CNTNAP2: variants seen among roughly 807,000 people sequenced by gnomAD.
The protein encoded by CNTNAP2 is contactin-associated protein-like 2.
Under a neutral mutation model 155.2 loss-of-function variants are expected in CNTNAP2, and 98 were observed. The ratio of observed to expected loss-of-function variants is 0.63; its 90% CI spans 0.54 to 0.75. The LOEUF is 0.75. Among genes scored for constraint, CNTNAP2 ranks in the 30% least tolerant of loss-of-function variants. The probability of loss-of-function intolerance (pLI) is 0.00; values close to 1 mark genes in which losing one functional copy is unlikely to be tolerated. For synonymous variants in CNTNAP2, 651 were observed against 631.2 expected, an observed-to-expected ratio of 1.03 and a Z score of -0.47; for missense variants, 1,727 against 1,688.1, an observed-to-expected ratio of 1.02 and a Z score of -0.40.
chr7:147,125,540 C>G lies in CNTNAP2; in HGVS notation c.940-3153C>G, dbSNP rs565114834. Among the ~76,000 whole-genome samples, 10 of 152,288 alleles carry G rather than the reference C, an allele frequency of 6.6e-5. 1 individual carries two copies. The South Asian group carries it at 2.1e-3, about 32-fold the overall frequency. On this transcript the variant is annotated intron_variant, in intron 6 of 23. Transcript: ENST00000361727. ...AGCAAAATGGTGTTTGGCTTAGATT[C>G]TCTCTGTTCTTCAGAGGACACCCAC... is the stretch of plus-strand genomic sequence containing the variant.
chr7:148,188,999 C>T (rs1326028292), intron 18 of CNTNAP2, among the ~76,000 whole-genome samples: 1 of 152,044 alleles, frequency 6.6e-6, no homozygotes, highest in East Asian at 1.9e-4. Context: ...TTGCAAGTGG[C>T]ATTTCAATAT....
intron 3 of CNTNAP2, among the ~76,000 whole-genome samples, chr7:147,005,082 C>G (rs557381572): frequency 6.6e-6 from 1 of 152,118 alleles, no homozygotes; most frequent in South Asian, 2.1e-4. Flanking sequence ...ATCAAAATAT[C>G]AGGAAGAGCT....
At position 146,748,143 on chromosome 7, in the gene CNTNAP2, C is replaced by CTTTTTT. The variant is rs61495352; in HGVS notation, c.98-26113_98-26108dup. 3.4e-3 allele frequency among the ~76,000 whole-genome samples: 330 copies of CTTTTTT among 97,884 alleles called. 3 individuals carry two copies. The highest frequency in any genetic ancestry group is 8.2e-3 in the African/African-American group (199 of 24,164). 64.2% of individuals were successfully genotyped at this position (97,884 alleles called of 152,430 possible). On this transcript the variant is annotated intron_variant, in intron 1 of 23. Coordinates refer to ENST00000361727, the MANE Select transcript of CNTNAP2 (RefSeq NM_014141.6). ...GTGGTGTTTTCTTTTCTTTTCTTTTCTTTTTTTTTTTTTTTTTTTTGAGAA... is the reference window on the plus strand; with the variant it reads ...GTGGTGTTTTCTTTTCTTTTCTTTTCTTTTTTTTTTTTTTTTTTTTTTTTTTGAGAA...
intron 21 of CNTNAP2, among the ~76,000 whole-genome samples, chr7:148,363,275 G>A (rs768199979): frequency 1.1e-4 from 16 of 152,186 alleles, no homozygotes; most frequent in African/African-American, 1.7e-4. Context: ...GAGCCACCAC[G>A]CACGGCCTCA....
chr7:147,826,386 C>G (rs570523181), intron 13 of CNTNAP2, among the ~76,000 whole-genome samples: 2 of 152,262 alleles, frequency 1.3e-5, no homozygotes, highest in East Asian at 3.9e-4. Context: ...ATAATTGGAA[C>G]TATCCCAGAA....
chr7:148,298,550 A>G (rs1327542540), intron 21 of CNTNAP2, among the ~76,000 whole-genome samples: 1 of 152,088 alleles, frequency 6.6e-6, no homozygotes, highest in Non-Finnish European at 1.5e-5. Flanking sequence ...CTCCCAGCCC[A>G]CTGACTCAAA....
At chr7:146,331,216 A>C (rs936042773) in intron 1 of CNTNAP2, among the ~76,000 whole-genome samples, 2 of 150,682 alleles carry the variant, frequency 1.3e-5, no homozygotes, top group Non-Finnish European at 3.0e-5. Flanking sequence ...AGGCAGGAGA[A>C]TGGCGTGAAC....
chr7:147,670,101 G>A (rs1261380341), intron 13 of CNTNAP2, among the ~76,000 whole-genome samples: 7 of 152,202 alleles, frequency 4.6e-5, no homozygotes, highest in Non-Finnish European at 7.3e-5. Context: ...AAATGTCAAT[G>A]TGTAAAATAT....
At chr7:147,288,611 T>C (rs374117609) in intron 8 of CNTNAP2, among the ~76,000 whole-genome samples, 3 of 152,336 alleles carry the variant, frequency 2.0e-5, no homozygotes, top group South Asian at 2.1e-4. Flanking sequence ...TCTTCAGTTA[T>C]CAAAGTAACG....
At chr7:147,025,904 A>G (rs1345421438) in intron 3 of CNTNAP2, among the ~76,000 whole-genome samples, 1 of 151,358 alleles carries the variant, frequency 6.6e-6, no homozygotes, top group Non-Finnish European at 1.5e-5. Context: ...AGATCACCCA[A>G]GGTGAAATGC....
chr7:146,160,929 T>C (rs1420977401), intron 1 of CNTNAP2, among the ~76,000 whole-genome samples: 1 of 152,168 alleles, frequency 6.6e-6, no homozygotes, highest in East Asian at 1.9e-4. Context: ...ATATCTCTGA[T>C]GAATATCGAT....
At chr7:147,957,300 G>A (rs1313507756) in intron 14 of CNTNAP2, among the ~76,000 whole-genome samples, 1 of 152,130 alleles carries the variant, frequency 6.6e-6, no homozygotes, top group Non-Finnish European at 1.5e-5. Flanking sequence ...TCAAAGATGT[G>A]ATAATTACAG....
intron 19 of CNTNAP2, among the ~76,000 whole-genome samples, chr7:148,219,431 T>C (rs995449246): frequency 8.5e-5 from 13 of 152,262 alleles, no homozygotes; most frequent in Admixed American, 8.5e-4. Flanking sequence ...CTGTGGCTCA[T>C]GCCTGTAATC....
chr7:146,742,397 G>A lies in CNTNAP2; in HGVS notation c.98-31874G>A, dbSNP rs571044874. 5.0e-4 allele frequency among the ~76,000 whole-genome samples: 76 copies of A among 152,106 alleles called. 1 individual carries two copies. The highest frequency in any genetic ancestry group is 1.7e-3 in the African/African-American group (72 of 41,498). On this transcript the variant is annotated intron_variant, in intron 1 of 23. Transcript: ENST00000361727. Reference sequence around the variant, plus strand: ...CACGGAAGAATAGGCAAGATTAATCGGATCATAAGGATCATATAGAAAACT... The same window carrying A: ...CACGGAAGAATAGGCAAGATTAATCAGATCATAAGGATCATATAGAAAACT...
rs147100045 is a variant in CNTNAP2 at position 146,531,524 on chromosome 7, A to C, written c.98-242747A>C. Among the ~76,000 whole-genome samples the C allele has an allele frequency of 3.0e-3, 452 of 152,212 alleles. 3 individuals are homozygous for C. The highest frequency in any genetic ancestry group is 4.8e-3 in the Non-Finnish European group (327 of 67,998). Reference sequence around the variant, plus strand: ...ACATAGATTGGCTTAGAATGTTATAAAAATGCTAATAATTTATAGCTTTTG... The same window carrying C: ...ACATAGATTGGCTTAGAATGTTATACAAATGCTAATAATTTATAGCTTTTG... On this transcript the variant is annotated intron_variant, in intron 1 of 23. Coordinates refer to ENST00000361727, the MANE Select transcript of CNTNAP2 (RefSeq NM_014141.6).
chr7:147,686,571 T>C (rs1796020536), intron 13 of CNTNAP2, among the ~76,000 whole-genome samples: 1 of 151,736 alleles, frequency 6.6e-6, no homozygotes, highest in South Asian at 2.1e-4. Flanking sequence ...AGATAGAGAA[T>C]GGGAGATGTT....
chr7:147,073,934 A>C (rs1381363513), intron 4 of CNTNAP2, among the ~76,000 whole-genome samples: 1 of 152,156 alleles, frequency 6.6e-6, no homozygotes, highest in East Asian at 1.9e-4. Context: ...TTTCCAAATG[A>C]AACACAGCAT....
intron 21 of CNTNAP2, among the ~76,000 whole-genome samples, chr7:148,331,582 T>C (rs1206979313): frequency 2.2e-5 from 2 of 89,878 alleles, no homozygotes; most frequent in African/African-American, 1.1e-4. Context: ...ATGGATGGAA[T>C]GGATGGATGG....
At chr7:147,358,214 A>G (rs1796093706) in intron 9 of CNTNAP2, among the ~76,000 whole-genome samples, 1 of 152,156 alleles carries the variant, frequency 6.6e-6, no homozygotes, top group Non-Finnish European at 1.5e-5. Flanking sequence ...TCACAGAAAT[A>G]CATACTTATA....
Sources: allele counts gnomAD v4.1 joint callset (sites outside exome capture counted in the v4.1 genomes callset), GRCh38; gene constraint gnomAD v4.1.1; transcripts MANE v1.5; gene names NCBI Gene and HGNC (gene_info 2026-07-23, HGNC 2026-07-21).